Variants in LOC128092252 observed in about 807,000 individuals in gnomAD.
the LOC128092252 span, among the ~76,000 whole-genome samples, chr15:50,673,560 G>C: frequency 9.2e-5 from 14 of 152,082 alleles, no homozygotes; most frequent in Admixed American, 9.2e-4. Flanking sequence ...TTAGAATTAA[G>C]AGTCTCCAAT....
the LOC128092252 span, among the ~76,000 whole-genome samples, chr15:50,666,576 G>GTTT: frequency 6.6e-6 from 1 of 152,116 alleles, no homozygotes; most frequent in African/African-American, 2.4e-5. Flanking sequence ...GGCTGAGGCG[G>GTTT]GCAGATCACC....
the LOC128092252 span, among the ~76,000 whole-genome samples, chr15:50,683,646 C>T: frequency 2.6e-5 from 4 of 151,996 alleles, no homozygotes; most frequent in Admixed American, 6.6e-5. Flanking sequence ...GCAGCAGAAT[C>T]GCTTGAACCA....
At chr15:50,686,664 CCTT>C in the LOC128092252 span, 250 of 1,320,234 alleles carry the variant, frequency 1.9e-4, no homozygotes, top group African/African-American at 3.4e-3. Context: ...CCCAGGGAAA[CCTT>C]CTCAGAACTA....
chr15:50,660,469 A>G, the LOC128092252 span, among the ~76,000 whole-genome samples: 3 of 152,136 alleles, frequency 2.0e-5, no homozygotes, highest in African/African-American at 7.2e-5. Context: ...CCTGACCAAC[A>G]TGGTGAAACC....
chr15:50,657,830 CA>C, the LOC128092252 span: 2 of 1,606,122 alleles, frequency 1.2e-6, no homozygotes, highest in Non-Finnish European at 1.7e-6. Context: ...CTATTGAACA[CA>C]AAAAGGTAAA....
At chr15:50,659,228 G>A in the LOC128092252 span, among the ~76,000 whole-genome samples, 1 of 151,594 alleles carries the variant, frequency 6.6e-6, no homozygotes, top group Non-Finnish European at 1.5e-5. Context: ...ACTAGTGATC[G>A]CCAAGATAAG....
chr15:50,680,651 G>A, the LOC128092252 span, among the ~76,000 whole-genome samples: 2 of 151,576 alleles, frequency 1.3e-5, no homozygotes. Context: ...GATAGTAAAG[G>A]AAATTCTATT....
At chr15:50,671,405 T>G in the LOC128092252 span, among the ~76,000 whole-genome samples, 1 of 152,176 alleles carries the variant, frequency 6.6e-6, no homozygotes, top group Non-Finnish European at 1.5e-5. Context: ...TAAGATTGAA[T>G]GATATTCCTT....
At chr15:50,653,855 T>A in the LOC128092252 span, among the ~76,000 whole-genome samples, 1 of 152,184 alleles carries the variant, frequency 6.6e-6, no homozygotes, top group South Asian at 2.1e-4. Flanking sequence ...AATCACTTGC[T>A]GTGTGTGGGT....
At chr15:50,651,901 CAATA>C in the LOC128092252 span, among the ~76,000 whole-genome samples, 6 of 151,198 alleles carry the variant, frequency 4.0e-5, no homozygotes, top group African/African-American at 1.2e-4. Flanking sequence ...TAAATAAATA[CAATA>C]AATAAATAAA....
At chr15:50,667,375 G>A in the LOC128092252 span, among the ~76,000 whole-genome samples, 2 of 152,162 alleles carry the variant, frequency 1.3e-5, no homozygotes, top group Non-Finnish European at 2.9e-5. Flanking sequence ...TGTTGTGTGT[G>A]TATGATATGA....
the LOC128092252 span, chr15:50,657,820 C>CTATT: frequency 6.2e-7 from 1 of 1,610,130 alleles, no homozygotes; most frequent in Non-Finnish European, 8.5e-7. Flanking sequence ...TGGAAGGCAT[C>CTATT]TATTGAACAC....
At chr15:50,676,958 C>G in the LOC128092252 span, among the ~76,000 whole-genome samples, 4 of 152,180 alleles carry the variant, frequency 2.6e-5, no homozygotes, top group Non-Finnish European at 1.5e-5. Flanking sequence ...AATAACTGAG[C>G]AGATATTCCT....
chr15:50,666,097 A>T, the LOC128092252 span, among the ~76,000 whole-genome samples: 1 of 152,194 alleles, frequency 6.6e-6, no homozygotes, highest in African/African-American at 2.4e-5. Flanking sequence ...AAAATTAAAG[A>T]AAAAAATCAG....
the LOC128092252 span, among the ~76,000 whole-genome samples, chr15:50,660,943 T>C: frequency 6.6e-6 from 1 of 152,006 alleles, no homozygotes; most frequent in East Asian, 1.9e-4. Context: ...ATATAAATTG[T>C]GGTATACACA....
the LOC128092252 span, among the ~76,000 whole-genome samples, chr15:50,663,680 A>T: frequency 1.3e-5 from 2 of 152,174 alleles, no homozygotes; most frequent in Non-Finnish European, 2.9e-5. Flanking sequence ...TTTAAAAGAC[A>T]ACTAGCTCGG....
At chr15:50,685,914 C>T in the LOC128092252 span, among the ~76,000 whole-genome samples, 3 of 152,274 alleles carry the variant, frequency 2.0e-5, no homozygotes, top group African/African-American at 4.8e-5. Flanking sequence ...CCCCCACCCA[C>T]CAAAATCCTT....
the LOC128092252 span, among the ~76,000 whole-genome samples, chr15:50,685,769 A>T: frequency 6.6e-6 from 1 of 152,188 alleles, no homozygotes. Context: ...CGGAAGCTGC[A>T]ATGCACCGCC....
At chr15:50,679,538 A>ATATATATATATATTTTTTT in the LOC128092252 span, among the ~76,000 whole-genome samples, 1 of 43,904 alleles carries the variant, frequency 2.3e-5, no homozygotes, top group African/African-American at 1.1e-4. Flanking sequence ...ATATATATAT[A>ATATATATATATATTTTTTT]TTTTTTTTTT....
Sources: gnomAD v4.1 joint callset for allele counts (sites outside exome capture counted in the v4.1 genomes callset) on GRCh38, gnomAD v4.1.1 for gene constraint, MANE v1.5 for transcripts.